XIRP2: variants seen among roughly 807,000 people sequenced by gnomAD.
XIRP2 encodes xin actin-binding repeat-containing protein 2.
Under a neutral mutation model 277.0 loss-of-function variants are expected in XIRP2, and 236 were observed. That is an observed-to-expected ratio of 0.85 (90% CI 0.77 to 0.95). XIRP2 has a LOEUF of 0.95. Among genes scored for constraint, XIRP2 ranks in the 40% least tolerant of loss-of-function variants. The probability of loss-of-function intolerance (pLI) is 0.00; values close to 1 mark genes in which losing one functional copy is unlikely to be tolerated. For synonymous variants in XIRP2, 1,490 were observed against 1,416.5 expected (o/e 1.05, Z -1.17); for missense variants, 4,640 against 4,157.5 (o/e 1.12, Z -3.19).
rs541265123 is a variant in XIRP2, at chr2:166,952,298, C to T, written c.408+48408C>T. 1.4e-4 allele frequency among the ~76,000 whole-genome samples: 21 copies of T among 152,030 alleles called. No individual in the cohort carries two copies. The South Asian group carries it at 4.4e-3, about 32-fold the overall frequency. The stretch of plus-strand genomic sequence containing the variant: ...TCTTTTTATACTATTAAATTCTTTA[C>T]CAAATGTCTTTTAAACTGTAAGTGT... On this transcript the variant is annotated intron_variant, in intron 2 of 10. Coordinates refer to ENST00000409195, the MANE Select transcript of XIRP2 (RefSeq NM_152381.6).
chr2:166,908,381 T>C (rs1684589132), intron 2 of XIRP2, among the ~76,000 whole-genome samples: 1 of 152,254 alleles, frequency 6.6e-6, no homozygotes, highest in Admixed American at 6.5e-5. Flanking sequence ...ATGAGCATTT[T>C]TTCATGTGTG....
At chr2:167,072,539 A>G (rs115630546) in intron 2 of XIRP2, among the ~76,000 whole-genome samples, 2,599 of 152,248 alleles carry the variant, frequency 0.017, 31 homozygotes, top group Non-Finnish European at 0.028. Flanking sequence ...CAAGATCTGT[A>G]TCATATTATT....
In XIRP2 at chr2:167,259,490, G is replaced by A; in HGVS notation, c.*1673G>A. ...TAAACATGGTGTTCAGAAATCTCGT[G>A]TCTATCTCAATGGGATATTTCTTGT... On this transcript the variant is annotated 3_prime_UTR_variant, in exon 11 of 11. Transcript: ENST00000409195. The A allele has an allele frequency of 2.2e-6, 2 of 912,538 alleles. No homozygotes were observed. Among genetic ancestry groups the A allele is most frequent in the Non-Finnish European group, 3.2e-6 (2 of 630,042 alleles). The allele number at this position is 912,538 out of a possible 1,614,324, so 56.5% of individuals were successfully genotyped here. A position where few individuals can be genotyped will look rare whatever the true frequency, so the allele number is the denominator to read the frequency against.
At chr2:167,083,884 A>T (rs1433678340) in intron 2 of XIRP2, among the ~76,000 whole-genome samples, 1 of 151,926 alleles carries the variant, frequency 6.6e-6, no homozygotes, top group African/African-American at 2.4e-5. Context: ...TGTCGTCTGC[A>T]AACAGGGACA....
At chr2:167,074,275 A>C (rs1033463358) in intron 2 of XIRP2, among the ~76,000 whole-genome samples, 15 of 152,062 alleles carry the variant, frequency 9.9e-5, no homozygotes, top group African/African-American at 3.6e-4. Context: ...ACATATATTT[A>C]ATTAATGCTA....
At chr2:167,024,157 A>G (rs1366176111) in intron 2 of XIRP2, among the ~76,000 whole-genome samples, 1 of 151,994 alleles carries the variant, frequency 6.6e-6, no homozygotes, top group Non-Finnish European at 1.5e-5. Flanking sequence ...TCTCCTTGAA[A>G]AGGTCCCTCA....
intron 2 of XIRP2, among the ~76,000 whole-genome samples, chr2:166,918,803 G>A (rs1034218402): frequency 2.6e-5 from 4 of 152,050 alleles, no homozygotes; most frequent in Non-Finnish European, 4.4e-5. Context: ...CCTTTTGTGG[G>A]GAAATGATCC....
intron 9 of XIRP2, among the ~76,000 whole-genome samples, chr2:167,253,513 A>G (rs772852540): frequency 2.6e-5 from 4 of 151,830 alleles, no homozygotes; most frequent in Non-Finnish European, 4.4e-5. Flanking sequence ...ATTGAAGCAA[A>G]TACAGTGTCC....
chr2:167,011,179 G>T (rs891455873), intron 2 of XIRP2, among the ~76,000 whole-genome samples: 29 of 150,628 alleles, frequency 1.9e-4, no homozygotes, highest in African/African-American at 7.1e-4. Flanking sequence ...TCCAGTTTTT[G>T]CCCATTCAGT....
chr2:167,029,223 G>C (rs1688257867), intron 2 of XIRP2, among the ~76,000 whole-genome samples: 1 of 151,956 alleles, frequency 6.6e-6, no homozygotes, highest in South Asian at 2.1e-4. Flanking sequence ...TGATTGCCCT[G>C]GCCAGAAATT....
In XIRP2 at chr2:167,243,537, A is replaced by C; in HGVS notation, c.2145A>C (p.Leu715Phe). The C allele has an allele frequency of 6.2e-7, 1 of 1,614,042 alleles. No individual in the cohort carries two copies. The highest frequency in any genetic ancestry group is 8.5e-7 in the Non-Finnish European group (1 of 1,179,988). ...TTCATTCAGTGGATGAGGTTCATTT[A>C]CTGCAGCTTAGGTCTGAGCTCAAAG... is the stretch of plus-strand genomic sequence containing the variant. The part of the protein sequence containing the change: ...GQLHSVDEVH[L>F]LQLRSELKEI... Residue 715 changes from leucine to phenylalanine, a missense_variant, in exon 9 of 11, where the codon TTA becomes TTC. Physicochemically the swap from Leu to Phe is conservative, Grantham distance 22. Coordinates refer to ENST00000409195, the MANE Select transcript of XIRP2 (RefSeq NM_152381.6).
chr2:167,239,964 T>C lies in XIRP2; in HGVS notation c.968T>C (p.Met323Thr), dbSNP rs1695006065. Residue 323 changes from methionine to threonine, a missense_variant and splice_region_variant, in exon 6 of 11, where the codon ATG becomes ACG. Coordinates refer to ENST00000409195, the MANE Select transcript of XIRP2 (RefSeq NM_152381.6). ...AAAATTGATGTTCATGGAACAGAAA[T>C]GGTAACTATTTAGAAAGGCAGTACT... ...VQKIDVHGTE[M>T]VSHLEKHTEE... The C allele has an allele frequency of 6.3e-7, 1 of 1,590,894 alleles. No homozygotes were observed. The highest frequency in any genetic ancestry group is 1.4e-5 in the African/African-American group (1 of 72,976).
At chr2:167,019,599 T>G (rs1333178446) in intron 2 of XIRP2, among the ~76,000 whole-genome samples, 1 of 152,110 alleles carries the variant, frequency 6.6e-6, no homozygotes, top group Non-Finnish European at 1.5e-5. Flanking sequence ...TAGCCAGGGT[T>G]AAGACCTTCA....
At chr2:166,961,200 T>G (rs758862461) in intron 2 of XIRP2, among the ~76,000 whole-genome samples, 1 of 151,676 alleles carries the variant, frequency 6.6e-6, no homozygotes, top group African/African-American at 2.4e-5. Context: ...TGAATCGTTT[T>G]GTATTGTCTT....
chr2:166,964,119 T>G (rs747890310), intron 2 of XIRP2, among the ~76,000 whole-genome samples: 5 of 151,806 alleles, frequency 3.3e-5, no homozygotes, highest in Non-Finnish European at 5.9e-5. Context: ...GAATAGTCAT[T>G]GAACTGGACA....
Position 167,251,535 on chromosome 2 carries a change from AG to A in XIRP2, c.10145del (p.Gly3382GlufsTer34). 1 of 1,613,568 alleles carries A rather than the reference AG, an allele frequency of 6.2e-7. No homozygotes were observed. Reference protein sequence around the residue: ...CKEEFGLTSLGNTSFTDFSCK... With the variant: ...CKEEFGLTSLXNTSFTDFSCK... ...AGGAGGAATTTGGATTAACATCTTT[AG>A]GAAACACGAGTTTTACAGACTTTTC... On this transcript the variant is annotated frameshift_variant, in exon 9 of 11. Coordinates refer to ENST00000409195, the MANE Select transcript of XIRP2 (RefSeq NM_152381.6). LOFTEE classifies it high-confidence loss of function.
chr2:167,019,467 C>G (rs1326441884), intron 2 of XIRP2, among the ~76,000 whole-genome samples: 1 of 151,976 alleles, frequency 6.6e-6, no homozygotes, highest in Non-Finnish European at 1.5e-5. Flanking sequence ...GGCTTGACCT[C>G]TTTGCTACAA....
At position 166,892,822 on chromosome 2, in the gene XIRP2, T is replaced by C. The variant is rs1269432994; in HGVS notation, c.-19+4265T>C. 2.0e-5 allele frequency among the ~76,000 whole-genome samples: 3 copies of C among 148,816 alleles called. No homozygotes were observed. The Admixed American group carries it at 2.0e-4, about 10-fold the overall frequency. Reference sequence around the variant, plus strand: ...ATTTCATAGAAGATATATATATATATATATAACTTCTATGATATGTTATAA... The same window carrying C: ...ATTTCATAGAAGATATATATATATACATATAACTTCTATGATATGTTATAA... On this transcript the variant is annotated intron_variant, in intron 1 of 10. Coordinates refer to ENST00000409195, the MANE Select transcript of XIRP2 (RefSeq NM_152381.6).
intron 2 of XIRP2, among the ~76,000 whole-genome samples, chr2:166,924,136 T>G (rs556958817): frequency 3.3e-5 from 5 of 152,188 alleles, no homozygotes; most frequent in South Asian, 4.1e-4. Flanking sequence ...AAATCTTTTT[T>G]TGTGTGTGGG....
Sources: gnomAD v4.1 joint callset for allele counts (sites outside exome capture counted in the v4.1 genomes callset) on GRCh38, gnomAD v4.1.1 for gene constraint, MANE v1.5 for transcripts, NCBI Gene and HGNC (gene_info 2026-07-23, HGNC 2026-07-21) for gene names.